The following ZNF875 variants were observed in gnomAD, a reference collection of about 807,000 sequenced individuals.
ZNF875 encodes HKR1, GLI-Kruppel zinc finger family member.
A neutral mutation model predicts 11.2 loss-of-function variants in ZNF875; 14 were observed. The ratio of observed to expected loss-of-function variants is 1.26; its 90% CI spans 0.83 to 1.96. The LOEUF (loss-of-function observed/expected upper bound fraction) is 1.96, where lower values mean the gene tolerates loss of function less well. ZNF875 is among the 30% of genes most tolerant of loss of function. The pLI is 0.00. For synonymous variants in ZNF875, 301 were observed against 281.1 expected, an observed-to-expected ratio of 1.07 and a Z score of -0.71; for missense variants, 752 against 760.4, an observed-to-expected ratio of 0.99 and a Z score of 0.13.
chr19:37,321,309 CTG>C (rs1404778466), intron 1 of ZNF875, among the ~76,000 whole-genome samples: 3 of 152,204 alleles, frequency 2.0e-5, no homozygotes, highest in Non-Finnish European at 4.4e-5. Context: ...TGGAATGTCT[CTG>C]TGTAAAACCC....
Position 37,334,768 on chromosome 19 carries a change from G to C in ZNF875, c.-71G>C, listed in dbSNP as rs2033951154. On this transcript the variant is annotated 5_prime_UTR_variant, in exon 1 of 5. Transcript: ENST00000392153. ...GACTTTCGGCTTCAGGATCCGCAGC[G>C]TGCACCCGCGTTCCGTGAGTGCCCT... 2.2e-6 allele frequency: 1 copy of C among 456,262 alleles called. No homozygotes were observed. The allele number at this position is 456,262 out of a possible 1,614,324, so 28.3% of individuals were successfully genotyped here.
chr19:37,321,941 A>T (rs965847953), intron 1 of ZNF875, among the ~76,000 whole-genome samples: 1 of 152,182 alleles, frequency 6.6e-6, no homozygotes, highest in Admixed American at 6.5e-5. Context: ...CTCCTTTGAA[A>T]TTCTGTGAAT....
upstream of ZNF875, chr19:37,334,546 A>G (rs2033877855): frequency 2.7e-6 from 1 of 368,822 alleles, no homozygotes. Flanking sequence ...GGCAAAGCCG[A>G]CTTCTCCGCC....
At chr19:37,356,617 G>A (rs2216690) in intron 4 of ZNF875, among the ~76,000 whole-genome samples, 1,913 of 152,090 alleles carry the variant, frequency 0.013, 37 homozygotes, top group East Asian at 0.054. Context: ...CCCTGTTTGT[G>A]TACCTTCTTT....
chr19:37,350,371 G>C lies in ZNF875; in HGVS notation c.256+2499G>C, dbSNP rs149408653. On this transcript the variant is annotated intron_variant, in intron 4 of 4. Transcript: ENST00000392153. ...CTCCCAAAGTGCTGGGATTACAGGCGTGAGCCACTTTACCTGATGCCCTGC... is the reference window on the plus strand; with the variant it reads ...CTCCCAAAGTGCTGGGATTACAGGCCTGAGCCACTTTACCTGATGCCCTGC... Among the ~76,000 whole-genome samples, 115 of 152,056 alleles carry C rather than the reference G, an allele frequency of 7.6e-4. No individual in the cohort carries two copies. In the East Asian group the frequency reaches 0.016, roughly 21 times the overall value.
upstream of ZNF875, among the ~76,000 whole-genome samples, chr19:37,331,186 C>CAA (rs71177440): frequency 0.013 from 955 of 74,514 alleles, 33 homozygotes; most frequent in Middle Eastern, 0.043. Context: ...GACTCTGTCT[C>CAA]AAAAAAAAAA....
At chr19:37,327,921 G>A (rs1459931382) in intron 4 of ZNF875, among the ~76,000 whole-genome samples, 2 of 152,060 alleles carry the variant, frequency 1.3e-5, no homozygotes, top group East Asian at 1.9e-4. Context: ...AAATGATGAG[G>A]GAACACAATG....
chr19:37,353,305 G>A (rs890265431), intron 4 of ZNF875, among the ~76,000 whole-genome samples: 1 of 152,054 alleles, frequency 6.6e-6, no homozygotes, highest in Non-Finnish European at 1.5e-5. Context: ...ATTTGTTTAA[G>A]GTAATGTAAG....
intron 2 of ZNF875, among the ~76,000 whole-genome samples, chr19:37,339,674 C>CT (rs1376785391): frequency 4.6e-5 from 7 of 150,810 alleles, no homozygotes; most frequent in African/African-American, 1.7e-4. Context: ...GAGCAATTCT[C>CT]TTGCCTCAGC....
At chr19:37,338,394 A>T (rs1410868468) in intron 2 of ZNF875, among the ~76,000 whole-genome samples, 1 of 152,148 alleles carries the variant, frequency 6.6e-6, no homozygotes, top group African/African-American at 2.4e-5. Flanking sequence ...AAGTGCTGGG[A>T]TTACAGGTGT....
upstream of ZNF875, among the ~76,000 whole-genome samples, chr19:37,314,275 C>A (rs2030087310): frequency 6.6e-6 from 1 of 152,008 alleles, no homozygotes; most frequent in Non-Finnish European, 1.5e-5. Flanking sequence ...ATACGCCCAC[C>A]TAATTATTAT....
chr19:37,329,139 C>G (rs530204439), intron 4 of ZNF875: 1 of 152,350 alleles, frequency 6.6e-6, no homozygotes, highest in East Asian at 1.9e-4. Flanking sequence ...ATCACTGACA[C>G]ACACATCTGC....
rs1194556269 is a variant in ZNF875 at position 37,351,264 on chromosome 19, G to A, written c.256+3392G>A. On this transcript the variant is annotated intron_variant, in intron 4 of 4. Transcript: ENST00000392153. ...ATAATATTCCCAAATTTCTTTAAAA[G>A]TGTGTATATTTCTCTAGTGGTGCTT... 2.0e-5 allele frequency among the ~76,000 whole-genome samples: 3 copies of A among 152,076 alleles called. No homozygotes were observed. The East Asian group carries it at 5.8e-4, about 29-fold the overall frequency.
At chr19:37,354,706 G>A (rs572085724) in intron 4 of ZNF875, among the ~76,000 whole-genome samples, 3 of 152,284 alleles carry the variant, frequency 2.0e-5, no homozygotes, top group Admixed American at 6.5e-5. Flanking sequence ...TTTAAGAGGT[G>A]TTTGGTTGTG....
chr19:37,357,758 GTTTTCTAGGTATAGGATTA>G (rs1465727095), intron 4 of ZNF875, among the ~76,000 whole-genome samples: 2 of 151,856 alleles, frequency 1.3e-5, no homozygotes, highest in South Asian at 2.1e-4. Context: ...GACCTTTAGA[GTTTTCTAGGTATAGGATTA>G]TTTTCTAGGT....
At chr19:37,347,490 T>G in intron 3 of ZNF875, 174 bp downstream of exon 3, 1 of 637,116 alleles carries the variant, frequency 1.6e-6, no homozygotes, top group Non-Finnish European at 2.7e-6. Flanking sequence ...CAGATTGATT[T>G]ATTCATGTTA....
At chr19:37,315,009 C>G (rs937537905), upstream of ZNF875, 2 of 152,108 alleles carry the variant, frequency 1.3e-5, no homozygotes, top group Non-Finnish European at 2.9e-5. Flanking sequence ...TTTTCATTAC[C>G]TTGAAGTAAA....
At chr19:37,336,815 G>A (rs2034541963) in intron 2 of ZNF875, among the ~76,000 whole-genome samples, 2 of 151,902 alleles carry the variant, frequency 1.3e-5, no homozygotes, top group South Asian at 4.2e-4. Context: ...GGCTGAGGCA[G>A]GAGAATCGCT....
chr19:37,330,554 CCT>C (rs1358854250), upstream of ZNF875, among the ~76,000 whole-genome samples: 1 of 152,048 alleles, frequency 6.6e-6, no homozygotes, highest in African/African-American at 2.4e-5. Context: ...TTATTTCCTC[CCT>C]CTCTCATTTC....
Sources: allele counts gnomAD v4.1 joint callset (sites outside exome capture counted in the v4.1 genomes callset), GRCh38; gene constraint gnomAD v4.1.1; transcripts MANE v1.5; gene names NCBI Gene and HGNC (gene_info 2026-07-23, HGNC 2026-07-21).